The following PPP4R4 variants were observed in gnomAD, a reference collection of about 807,000 sequenced individuals.
The protein encoded by PPP4R4 is serine/threonine-protein phosphatase 4 regulatory subunit 4.
Under a neutral mutation model 121.8 loss-of-function variants are expected in PPP4R4, and 70 were observed. That is an observed-to-expected ratio of 0.57 (90% CI 0.47 to 0.70). PPP4R4 has a LOEUF of 0.70. Among genes scored for constraint, PPP4R4 ranks in the 30% least tolerant of loss-of-function variants. PPP4R4 has a pLI of 0.00. For missense variants in PPP4R4, 875 were observed against 1,033.6 expected (o/e 0.85, Z 2.10); for synonymous variants, 348 against 355.7 (o/e 0.98, Z 0.24).
intron 23 of PPP4R4, among the ~76,000 whole-genome samples, chr14:94,269,226 G>T (rs1358398890): frequency 2.6e-5 from 4 of 152,142 alleles, no homozygotes; most frequent in African/African-American, 9.7e-5. Flanking sequence ...GAACCTTAAG[G>T]TATGCTAGGA....
intron 11 of PPP4R4, 117 bp downstream of exon 11, chr14:94,242,525 G>A (rs1892688205): frequency 9.7e-7 from 1 of 1,025,836 alleles, no homozygotes; most frequent in Non-Finnish European, 1.4e-6. Flanking sequence ...TCATGTTCTA[G>A]TCTTAAATCT....
intron 19 of PPP4R4, among the ~76,000 whole-genome samples, chr14:94,260,430 AAAAAC>A (rs1054571101): frequency 1.8e-4 from 28 of 152,084 alleles, no homozygotes; most frequent in African/African-American, 6.3e-4. Flanking sequence ...TGTCCCCCCA[AAAAAC>A]AAAACAAAAC....
intron 16 of PPP4R4, 34 bp downstream of exon 16, chr14:94,251,930 G>C: frequency 1.3e-6 from 2 of 1,528,688 alleles, no homozygotes; most frequent in Non-Finnish European, 1.8e-6. Flanking sequence ...ATTGGAAATT[G>C]TATTTATTTT....
intron 2 of PPP4R4, among the ~76,000 whole-genome samples, chr14:94,186,517 G>A (rs1020970649): frequency 6.6e-6 from 1 of 152,124 alleles, no homozygotes; most frequent in Non-Finnish European, 1.5e-5. Context: ...ATGGACATTT[G>A]GGTAATTTTC....
intron 2 of PPP4R4, among the ~76,000 whole-genome samples, chr14:94,198,406 C>T (rs11625105): frequency 6.6e-6 from 1 of 151,994 alleles, no homozygotes; most frequent in African/African-American, 2.4e-5. Context: ...TAAGAATTCT[C>T]TATATATTCT....
intron 2 of PPP4R4, among the ~76,000 whole-genome samples, chr14:94,198,969 T>G (rs1874097710): frequency 6.6e-6 from 1 of 152,246 alleles, no homozygotes. Context: ...GTATTAGCCC[T>G]ACAACTTTGT....
chr14:94,198,176 T>C (rs1889984406), intron 2 of PPP4R4, among the ~76,000 whole-genome samples: 1 of 152,236 alleles, frequency 6.6e-6, no homozygotes, highest in Non-Finnish European at 1.5e-5. Flanking sequence ...GGACCATTAC[T>C]CCTCATCCTT....
At chr14:94,206,809 GGTT>G (rs1168671736) in intron 2 of PPP4R4, among the ~76,000 whole-genome samples, 1 of 151,856 alleles carries the variant, frequency 6.6e-6, no homozygotes, top group African/African-American at 2.4e-5. Flanking sequence ...TATTTCCTCT[GGTT>G]GTTGTAACAA....
intron 16 of PPP4R4, 150 bp from the exon 17 acceptor site, chr14:94,256,310 G>A (rs1322757428): frequency 1.7e-6 from 1 of 578,606 alleles, no homozygotes; most frequent in Non-Finnish European, 2.8e-6. Flanking sequence ...CATCCAGAAT[G>A]ATGAATGTTT....
chr14:94,259,430 A>G (rs1893656608), intron 19 of PPP4R4, 61 bp downstream of exon 19: 1 of 1,424,516 alleles, frequency 7.0e-7, no homozygotes, highest in Non-Finnish European at 9.2e-7. Context: ...GTGTTTTTTT[A>G]TTAAACTTAA....
intron 3 of PPP4R4, chr14:94,227,487 G>A: frequency 7.0e-7 from 1 of 1,424,528 alleles, no homozygotes; most frequent in Admixed American, 2.7e-5. Context: ...TCTTAACAGT[G>A]GACAGTCCCA....
chr14:94,245,539 CA>C, intron 12 of PPP4R4, 47 bp from the exon 13 acceptor site: 4 of 1,021,722 alleles, frequency 3.9e-6, no homozygotes, highest in Non-Finnish European at 5.5e-6. Flanking sequence ...ATTAATCTAG[CA>C]AAAACATAGT....
Position 94,265,823 on chromosome 14 carries a change from C to T in PPP4R4, c.2314C>T (p.Arg772Ter), listed in dbSNP as rs147765941. 3 of 1,608,576 alleles carry T rather than the reference C, an allele frequency of 1.9e-6. No homozygotes were observed. The highest frequency in any genetic ancestry group is 2.2e-5 in the East Asian group (1 of 44,730). Residue 772 changes from arginine (R) to a stop codon, truncating the protein, a stop_gained, in exon 22 of 25, where the codon CGA (arginine) becomes TGA (stop). Coordinates refer to ENST00000304338, the MANE Select transcript of PPP4R4 (RefSeq NM_058237.2). LOFTEE classifies it high-confidence loss of function. ...AGAAATCAAGAAATCCAAACTGATT[C>T]GAAGCCAGTCTTTTAATAATCAAGC... ...SKEIKKSKLIRSQSFNNQAFH... is the reference protein window; with the variant it reads ...SKEIKKSKLI
intron 11 of PPP4R4, among the ~76,000 whole-genome samples, chr14:94,242,644 C>G (rs1225699604): frequency 6.6e-6 from 1 of 152,066 alleles, no homozygotes; most frequent in Non-Finnish European, 1.5e-5. Flanking sequence ...TTCAGCATAT[C>G]TATACCAAGT....
At chr14:94,184,645 G>T (rs1457685559) in intron 2 of PPP4R4, among the ~76,000 whole-genome samples, 1 of 152,160 alleles carries the variant, frequency 6.6e-6, no homozygotes, top group Admixed American at 6.5e-5. Context: ...CTTTCAGTTT[G>T]ATATTTTGGG....
At chr14:94,253,665 A>G (rs1215134068) in intron 16 of PPP4R4, among the ~76,000 whole-genome samples, 3 of 152,230 alleles carry the variant, frequency 2.0e-5, no homozygotes, top group African/African-American at 4.8e-5. Context: ...AACTAAGAGC[A>G]TAACATTGAC....
intron 2 of PPP4R4, among the ~76,000 whole-genome samples, chr14:94,205,721 C>T (rs1384802665): frequency 1.3e-5 from 2 of 151,460 alleles, no homozygotes; most frequent in Non-Finnish European, 3.0e-5. Context: ...TTTGATTTCC[C>T]GTGAGACCTT....
chr14:94,238,078 C>G (rs1892441574), intron 8 of PPP4R4, among the ~76,000 whole-genome samples: 1 of 152,224 alleles, frequency 6.6e-6, no homozygotes, highest in South Asian at 2.1e-4. Context: ...ACAAAAGAAG[C>G]TGACTTTGTA....
At chr14:94,239,187 C>T (rs574546894) in intron 8 of PPP4R4, among the ~76,000 whole-genome samples, 2 of 146,684 alleles carry the variant, frequency 1.4e-5, no homozygotes, top group African/African-American at 5.4e-5. Flanking sequence ...TAGCCAACTC[C>T]TTCTGCTTCT....
Sources: gnomAD v4.1 joint callset for allele counts (sites outside exome capture counted in the v4.1 genomes callset) on GRCh38, gnomAD v4.1.1 for gene constraint, MANE v1.5 for transcripts, NCBI Gene and HGNC (gene_info 2026-07-23, HGNC 2026-07-21) for gene names.